Variants in NBAS observed in about 807,000 individuals in gnomAD.
The protein encoded by NBAS is NBAS subunit of NRZ tethering complex.
In NBAS, 219 loss-of-function variants were observed where a neutral mutation model predicts 302.5. That is an observed-to-expected ratio of 0.72 (90% CI 0.65 to 0.81). NBAS has a LOEUF of 0.81. Among genes scored for constraint, NBAS ranks in the 30% least tolerant of loss-of-function variants. The pLI is 0.00. For missense variants in NBAS, 2,932 were observed against 2,841.6 expected (o/e 1.03, Z -0.72); for synonymous variants, 1,118 against 1,021.6 (o/e 1.09, Z -1.80).
the NBAS span, among the ~76,000 whole-genome samples, chr2:14,828,561 G>C: frequency 5.5e-4 from 84 of 152,206 alleles, no homozygotes; most frequent in African/African-American, 2.0e-3. Flanking sequence ...CTTTAGAGGG[G>C]AGTAAGATTT....
chr2:15,493,829 CTTTTTT>C (rs10715868), intron 11 of NBAS, among the ~76,000 whole-genome samples: 1 of 113,574 alleles, frequency 8.8e-6, no homozygotes, highest in Non-Finnish European at 1.9e-5. Context: ...GCAATTTTCT[CTTTTTT>C]TTTTTTTTTT....
At chr2:15,203,190 A>T (rs1665961272) in intron 48 of NBAS, among the ~76,000 whole-genome samples, 1 of 152,194 alleles carries the variant, frequency 6.6e-6, no homozygotes, top group Non-Finnish European at 1.5e-5. Flanking sequence ...AACACTGAGC[A>T]TCTATGGTAG....
chr2:14,824,277 C>T, the NBAS span, among the ~76,000 whole-genome samples: 1 of 152,138 alleles, frequency 6.6e-6, no homozygotes, highest in South Asian at 2.1e-4. Context: ...TTTCTCCCTT[C>T]AAGGAGGTTA....
At chr2:14,869,178 G>T in the NBAS span, among the ~76,000 whole-genome samples, 1 of 152,140 alleles carries the variant, frequency 6.6e-6, no homozygotes, top group Non-Finnish European at 1.5e-5. Flanking sequence ...TCCTATCTTG[G>T]TACCTGCCTC....
At chr2:15,428,641 A>T (rs1326973839) in intron 21 of NBAS, among the ~76,000 whole-genome samples, 10 of 152,134 alleles carry the variant, frequency 6.6e-5, no homozygotes, top group African/African-American at 2.4e-4. Flanking sequence ...CAGAAAGCTG[A>T]TGTAGGAGGA....
chr2:15,311,287 G>A (rs1382872345), intron 38 of NBAS, among the ~76,000 whole-genome samples: 2 of 152,146 alleles, frequency 1.3e-5, no homozygotes, highest in African/African-American at 4.8e-5. Context: ...AATCTTTCTG[G>A]TTTTCAAAGC....
the NBAS span, among the ~76,000 whole-genome samples, chr2:14,955,629 G>A: frequency 5.3e-5 from 8 of 152,318 alleles, no homozygotes; most frequent in East Asian, 1.9e-4. Flanking sequence ...CTTGACTTAC[G>A]TGTACCCATA....
chr2:15,029,345 T>C, the NBAS span, among the ~76,000 whole-genome samples: 5 of 152,196 alleles, frequency 3.3e-5, no homozygotes, highest in Non-Finnish European at 5.9e-5. Flanking sequence ...AATTGCATTA[T>C]AAATCTTATC....
intron 44 of NBAS, among the ~76,000 whole-genome samples, chr2:15,273,883 G>A (rs988548572): frequency 3.3e-5 from 5 of 151,862 alleles, no homozygotes; most frequent in Non-Finnish European, 5.9e-5. Context: ...AGACCATCCT[G>A]GCTAACATGG....
intron 38 of NBAS, among the ~76,000 whole-genome samples, chr2:15,320,098 C>T (rs190514432): frequency 6.6e-6 from 1 of 152,106 alleles, no homozygotes. Context: ...TCAACATATG[C>T]AAATCAATAA....
chr2:15,308,362 G>T lies in NBAS; in HGVS notation c.4660-9C>A, dbSNP rs201820876. ...CGGTTAGCATCTAACACCTAGGAGG[G>T]AACATGTTAGAATTAACTCAGCTGA... On this transcript the variant is annotated splice_polypyrimidine_tract_variant and intron_variant, in intron 39 of 51. Coordinates refer to ENST00000281513, the MANE Select transcript of NBAS (RefSeq NM_015909.4). 3.1e-6 allele frequency: 5 copies of T among 1,613,570 alleles called. 1 individual carries two copies. The South Asian group carries it at 5.5e-5, about 18-fold the overall frequency.
At chr2:14,880,145 A>G in the NBAS span, among the ~76,000 whole-genome samples, 5 of 152,168 alleles carry the variant, frequency 3.3e-5, no homozygotes, top group African/African-American at 1.2e-4. Context: ...AAAGTTTTTT[A>G]TTAATTTAAA....
chr2:15,342,971 A>AG (rs904634804), intron 35 of NBAS, among the ~76,000 whole-genome samples: 11 of 148,940 alleles, frequency 7.4e-5, no homozygotes, highest in African/African-American at 2.8e-4. Flanking sequence ...TACTGAGCAC[A>AG]GAAAAAAAAA....
chr2:14,924,484 A>G, the NBAS span, among the ~76,000 whole-genome samples: 14 of 152,356 alleles, frequency 9.2e-5, no homozygotes, highest in Admixed American at 2.6e-4. Flanking sequence ...CCCAGCATGC[A>G]TTAATTTATC....
At chr2:15,248,768 T>C (rs893606902) in intron 44 of NBAS, among the ~76,000 whole-genome samples, 23 of 151,936 alleles carry the variant, frequency 1.5e-4, no homozygotes, top group African/African-American at 5.3e-4. Context: ...AAACCAGAAG[T>C]TGAATCCCTG....
the NBAS span, among the ~76,000 whole-genome samples, chr2:14,820,986 G>A: frequency 6.6e-6 from 1 of 151,484 alleles, no homozygotes; most frequent in East Asian, 2.0e-4. Context: ...CTGGAGTGCA[G>A]TGGCGCGATC....
chr2:15,413,316 C>A (rs1177024102), intron 25 of NBAS, among the ~76,000 whole-genome samples: 1 of 152,080 alleles, frequency 6.6e-6, no homozygotes, highest in Non-Finnish European at 1.5e-5. Context: ...AGGCACTGTG[C>A]AATTCCCTGG....
At chr2:15,004,163 C>T in the NBAS span, among the ~76,000 whole-genome samples, 10 of 152,210 alleles carry the variant, frequency 6.6e-5, no homozygotes, top group East Asian at 1.9e-4. Context: ...TCTCCTTCAA[C>T]GTAGAAAATC....
the NBAS span, among the ~76,000 whole-genome samples, chr2:14,866,409 G>A: frequency 2.6e-5 from 4 of 151,912 alleles, no homozygotes; most frequent in Admixed American, 6.6e-5. Flanking sequence ...AAAATGTTTG[G>A]TTACTGGTTT....
Sources: gnomAD v4.1 joint callset for allele counts (sites outside exome capture counted in the v4.1 genomes callset) on GRCh38, gnomAD v4.1.1 for gene constraint, MANE v1.5 for transcripts, NCBI Gene and HGNC (gene_info 2026-07-23, HGNC 2026-07-21) for gene names.